GMDS: variants seen among roughly 807,000 people sequenced by gnomAD.
The protein encoded by GMDS is GDP-mannose 4,6-dehydratase.
A neutral mutation model predicts 49.9 loss-of-function variants in GMDS; 20 were observed. That is an observed-to-expected ratio of 0.40 (90% CI 0.28 to 0.58). The LOEUF is 0.58. Among genes scored for constraint, GMDS ranks in the 20% least tolerant of loss-of-function variants. The pLI is 0.42. For synonymous variants in GMDS, 177 were observed against 178.6 expected (o/e 0.99, Z 0.07); for missense variants, 362 against 481.4 (o/e 0.75, Z 2.32).
intron 7 of GMDS, among the ~76,000 whole-genome samples, chr6:1,919,308 T>C (rs1393985448): frequency 2.6e-5 from 4 of 152,152 alleles, no homozygotes; most frequent in Non-Finnish European, 4.4e-5. Flanking sequence ...TGAGAAAAAA[T>C]GGTAAAAGTG....
chr6:1,934,516 T>A (rs1285651406), intron 6 of GMDS, among the ~76,000 whole-genome samples: 1 of 152,244 alleles, frequency 6.6e-6, no homozygotes, highest in East Asian at 1.9e-4. Context: ...GAATATAGGA[T>A]GTCTTTCTCC....
intron 4 of GMDS, among the ~76,000 whole-genome samples, chr6:2,076,424 T>C (rs1772343219): frequency 1.3e-5 from 2 of 152,156 alleles, no homozygotes; most frequent in African/African-American, 4.8e-5. Flanking sequence ...AAAGTTCATA[T>C]GGAACCAAAA....
intron 8 of GMDS, among the ~76,000 whole-genome samples, chr6:1,726,796 G>A (rs1243697682): frequency 6.6e-6 from 1 of 152,136 alleles, no homozygotes; most frequent in African/African-American, 2.4e-5. Context: ...AATAAAATTG[G>A]GCAACTTTCA....
intron 7 of GMDS, among the ~76,000 whole-genome samples, chr6:1,901,288 T>C (rs1042498399): frequency 2.0e-5 from 3 of 152,336 alleles, no homozygotes; most frequent in African/African-American, 7.2e-5. Flanking sequence ...ATGTTGACTA[T>C]GGCAAGCTCT....
intron 6 of GMDS, among the ~76,000 whole-genome samples, chr6:1,949,238 GCACTTTGCTC>G (rs1763225276): frequency 6.6e-6 from 1 of 152,226 alleles, no homozygotes; most frequent in African/African-American, 2.4e-5. Flanking sequence ...TGACAGAGCT[GCACTTTGCTC>G]CATCAGGTGG....
intron 1 of GMDS, among the ~76,000 whole-genome samples, chr6:2,201,906 G>A (rs1352667182): frequency 7.3e-6 from 1 of 136,592 alleles, no homozygotes; most frequent in African/African-American, 2.7e-5. Context: ...TGTTAGCAGG[G>A]AGGTGAAGGA....
At position 2,022,476 on chromosome 6, in the gene GMDS, C is replaced by T. The variant is rs113096518; in HGVS notation, c.346-61510G>A. 8.9e-4 allele frequency among the ~76,000 whole-genome samples: 135 copies of T among 152,068 alleles called. 1 individual carries two copies. The Middle Eastern group carries it at 0.031, about 34-fold the overall frequency. The stretch of plus-strand genomic sequence containing the variant: ...ATGCTACAAAATATTTAAAATAACA[C>T]GAATTCAATGATTTTTAAAATTCAA... On this transcript the variant is annotated intron_variant, in intron 4 of 10. Transcript: ENST00000380815.
At chr6:1,793,071 C>T (rs1336232679) in intron 7 of GMDS, among the ~76,000 whole-genome samples, 2 of 151,768 alleles carry the variant, frequency 1.3e-5, no homozygotes, top group South Asian at 2.1e-4. Flanking sequence ...ATCTCATCTT[C>T]ACCCCTTTCT....
chr6:2,009,078 T>G (rs1232050063), intron 4 of GMDS, among the ~76,000 whole-genome samples: 1 of 152,216 alleles, frequency 6.6e-6, no homozygotes, highest in African/African-American at 2.4e-5. Context: ...TTATTCTAAT[T>G]TAAAGGAGAA....
chr6:1,699,576 C>A (rs1765469117), intron 9 of GMDS, among the ~76,000 whole-genome samples: 1 of 152,188 alleles, frequency 6.6e-6, no homozygotes, highest in Non-Finnish European at 1.5e-5. Flanking sequence ...GGCGCCTACA[C>A]CCCTTGGCTC....
intron 9 of GMDS, among the ~76,000 whole-genome samples, chr6:1,710,169 A>G (rs2113389640): frequency 6.6e-6 from 1 of 152,346 alleles, no homozygotes; most frequent in African/African-American, 2.4e-5. Context: ...GCAGAGGAAG[A>G]CTGTTTACCT....
At chr6:1,959,589 G>A (rs941286503) in intron 6 of GMDS, 3 of 233,896 alleles carry the variant, frequency 1.3e-5, no homozygotes, top group Non-Finnish European at 2.5e-5. Context: ...CTAATACTCA[G>A]GTTGAAAACA....
chr6:1,805,012 A>G (rs1434515890), intron 7 of GMDS, among the ~76,000 whole-genome samples: 2 of 152,196 alleles, frequency 1.3e-5, no homozygotes, highest in African/African-American at 2.4e-5. Flanking sequence ...TTCAAAAAGA[A>G]ATGAAGACAG....
chr6:1,873,635 G>C (rs1463370482), intron 7 of GMDS, among the ~76,000 whole-genome samples: 1 of 152,188 alleles, frequency 6.6e-6, no homozygotes, highest in Non-Finnish European at 1.5e-5. Context: ...ACAGGAAAAT[G>C]AAGATTTTGC....
chr6:2,057,585 C>T (rs1032370226), intron 4 of GMDS, among the ~76,000 whole-genome samples: 1 of 152,166 alleles, frequency 6.6e-6, no homozygotes, highest in African/African-American at 2.4e-5. Context: ...TCATACTCTT[C>T]CTTCAAAACA....
chr6:2,055,211 T>C (rs1466987921), intron 4 of GMDS, among the ~76,000 whole-genome samples: 1 of 151,532 alleles, frequency 6.6e-6, no homozygotes, highest in Non-Finnish European at 1.5e-5. Flanking sequence ...TAAGAACCTG[T>C]GGGACAATAT....
rs554083057 is a variant in GMDS, at chr6:1,636,420, G to A, written c.988-11880C>T. Among the ~76,000 whole-genome samples, 8 of 152,346 alleles carry A rather than the reference G, an allele frequency of 5.3e-5. No individual in the cohort carries two copies. In the South Asian group the frequency reaches 1.7e-3, roughly 32 times the overall value. On this transcript the variant is annotated intron_variant, in intron 9 of 10. Coordinates refer to ENST00000380815, the MANE Select transcript of GMDS (RefSeq NM_001500.4). ...GCTGACAAAGGGCTAGCCTGAGGCTGAAGTTGGGCAAAAATCAACCCTTGG... is the reference window on the plus strand; with the variant it reads ...GCTGACAAAGGGCTAGCCTGAGGCTAAAGTTGGGCAAAAATCAACCCTTGG...
At chr6:1,896,605 A>G (rs1012144089) in intron 7 of GMDS, among the ~76,000 whole-genome samples, 1 of 152,124 alleles carries the variant, frequency 6.6e-6, no homozygotes, top group African/African-American at 2.4e-5. Flanking sequence ...GGGCCATGTG[A>G]GGCAGGACCC....
intron 9 of GMDS, among the ~76,000 whole-genome samples, chr6:1,638,545 A>G (rs1763234977): frequency 7.9e-6 from 1 of 127,114 alleles, no homozygotes. Context: ...AGGCCGTGAG[A>G]CTCCCAGACT....
Sources: allele counts gnomAD v4.1 joint callset (sites outside exome capture counted in the v4.1 genomes callset), GRCh38; gene constraint gnomAD v4.1.1; transcripts MANE v1.5; gene names NCBI Gene and HGNC (gene_info 2026-07-23, HGNC 2026-07-21).